CHODL: variants seen among roughly 807,000 people sequenced by gnomAD.
The protein encoded by CHODL is chondrolectin.
In CHODL, 29 loss-of-function variants were observed where a neutral mutation model predicts 34.5. That is an observed-to-expected ratio of 0.84 (90% CI 0.63 to 1.15). The LOEUF is 1.15. CHODL is among the 50% of genes most tolerant of loss of function. The pLI is 0.00. For synonymous variants in CHODL, 125 were observed against 116.1 expected, an observed-to-expected ratio of 1.08 and a Z score of -0.49; for missense variants, 332 against 332.5, an observed-to-expected ratio of 1.00 and a Z score of 0.01.
At chr21:17,987,175 C>A (rs920179278) in intron 1 of CHODL, among the ~76,000 whole-genome samples, 1 of 152,072 alleles carries the variant, frequency 6.6e-6, no homozygotes, top group African/African-American at 2.4e-5. Context: ...ATTAATTTTT[C>A]TTCCCACTAG....
At chr21:18,017,305 A>T (rs2064084721) in intron 1 of CHODL, among the ~76,000 whole-genome samples, 1 of 152,166 alleles carries the variant, frequency 6.6e-6, no homozygotes, top group Admixed American at 6.5e-5. Context: ...TAAGTTGATC[A>T]TGGGGGTGGA....
chr21:18,220,754 T>C (rs73316272), intron 2 of CHODL, among the ~76,000 whole-genome samples: 12,129 of 152,006 alleles, frequency 0.08, 657 homozygotes, highest in African/African-American at 0.15. Context: ...TGCTGAGATA[T>C]CTGTGATTAG....
chr21:17,961,214 A>G (rs2063529816), intron 1 of CHODL, among the ~76,000 whole-genome samples: 1 of 152,214 alleles, frequency 6.6e-6, no homozygotes, highest in Admixed American at 6.5e-5. Flanking sequence ...GTGTTATTGT[A>G]GCATGTTCTC....
At chr21:18,078,739 T>C (rs532252007) in intron 2 of CHODL, among the ~76,000 whole-genome samples, 1 of 152,260 alleles carries the variant, frequency 6.6e-6, no homozygotes, top group East Asian at 1.9e-4. Context: ...CTTAGTGGTG[T>C]TTTGTTGTCA....
At chr21:18,183,491 A>T (rs1229729110) in intron 2 of CHODL, among the ~76,000 whole-genome samples, 4 of 152,236 alleles carry the variant, frequency 2.6e-5, no homozygotes, top group Admixed American at 6.5e-5. Flanking sequence ...GCTGAATCTC[A>T]AAGCTGCCTT....
In CHODL at chr21:18,208,255, T is replaced by C. The variant is rs144494384; in HGVS notation, c.-44-48254T>C. Reference sequence around the variant, plus strand: ...CCAATTCTTTCTTCTGCTTGATCAATTCTATTAAGACTCTGAAACATTCTT... The same window carrying C: ...CCAATTCTTTCTTCTGCTTGATCAACTCTATTAAGACTCTGAAACATTCTT... On this transcript the variant is annotated intron_variant, in intron 2 of 6. Coordinates refer to the CHODL transcript ENST00000400127. Among the ~76,000 whole-genome samples, 419 of 151,842 alleles carry C rather than the reference T, an allele frequency of 2.8e-3. 1 individual carries two copies. The highest frequency in any genetic ancestry group is 9.9e-3 in the African/African-American group (410 of 41,388).
At chr21:18,016,804 G>C (rs1288424686) in intron 1 of CHODL, among the ~76,000 whole-genome samples, 1 of 152,250 alleles carries the variant, frequency 6.6e-6, no homozygotes, top group African/African-American at 2.4e-5. Flanking sequence ...CACAGAGGCA[G>C]AGCTGCCCAA....
intron 2 of CHODL, among the ~76,000 whole-genome samples, chr21:18,048,557 A>C (rs1388867306): frequency 1.3e-5 from 2 of 151,776 alleles, no homozygotes; most frequent in East Asian, 1.9e-4. Context: ...GCAGCAAAAG[A>C]AAGAAAGAAA....
At chr21:18,162,751 TATTAC>T (rs754557086) in intron 2 of CHODL, among the ~76,000 whole-genome samples, 10 of 152,220 alleles carry the variant, frequency 6.6e-5, no homozygotes, top group Non-Finnish European at 1.5e-4. Context: ...TTTGATTTGC[TATTAC>T]ATTAATGCAA....
chr21:18,141,555 T>G (rs1369713456), intron 2 of CHODL, among the ~76,000 whole-genome samples: 1 of 151,778 alleles, frequency 6.6e-6, no homozygotes, highest in Non-Finnish European at 1.5e-5. Flanking sequence ...ATGATGAAAT[T>G]TTGCTGGAAA....
At chr21:18,021,057 T>TGTCA (rs1301951664) in intron 1 of CHODL, among the ~76,000 whole-genome samples, 1 of 152,222 alleles carries the variant, frequency 6.6e-6, no homozygotes, top group Non-Finnish European at 1.5e-5. Flanking sequence ...TTCTCCACTA[T>TGTCA]AGACCCCTAG....
intron 2 of CHODL, among the ~76,000 whole-genome samples, chr21:18,158,790 G>T (rs2073062629): frequency 6.7e-6 from 1 of 148,632 alleles, no homozygotes; most frequent in Non-Finnish European, 1.5e-5. Flanking sequence ...GTGAGCCGAG[G>T]TGCTGCCATT....
intron 2 of CHODL, among the ~76,000 whole-genome samples, chr21:18,033,538 TG>T: frequency 6.6e-6 from 1 of 152,178 alleles, no homozygotes; most frequent in Middle Eastern, 3.4e-3. Context: ...AAGATACCAC[TG>T]GGTGACAGTC....
intron 2 of CHODL, among the ~76,000 whole-genome samples, chr21:18,041,397 A>G (rs916420148): frequency 6.6e-6 from 1 of 151,966 alleles, no homozygotes; most frequent in South Asian, 2.1e-4. Flanking sequence ...CATTAAAATT[A>G]AAAATGACTT....
intron 2 of CHODL, among the ~76,000 whole-genome samples, chr21:18,152,341 A>G (rs2072980374): frequency 6.6e-6 from 1 of 152,210 alleles, no homozygotes. Flanking sequence ...CACAAACTTC[A>G]TGGTTTAAAA....
At chr21:18,208,612 T>C (rs1301241696) in intron 2 of CHODL, among the ~76,000 whole-genome samples, 1 of 152,136 alleles carries the variant, frequency 6.6e-6, no homozygotes, top group African/African-American at 2.4e-5. Flanking sequence ...ACTCTGGGCT[T>C]GTGTGTATCC....
At chr21:18,098,629 A>G (rs985762871) in intron 2 of CHODL, among the ~76,000 whole-genome samples, 2 of 152,146 alleles carry the variant, frequency 1.3e-5, no homozygotes, top group Non-Finnish European at 1.5e-5. Context: ...GTTGGTGGCA[A>G]TGTAAATTAT....
chr21:17,925,674 G>T lies in CHODL; in HGVS notation c.-145+8274G>T, dbSNP rs565288896. On this transcript the variant is annotated intron_variant, in intron 1 of 6. Transcript: ENST00000400127. The stretch of plus-strand genomic sequence containing the variant: ...ATTTTAAATTCGCCTGCGAGTAAAA[G>T]GATAAATTTATTTATAATAGATTTG... 1.6e-4 allele frequency among the ~76,000 whole-genome samples: 24 copies of T among 152,212 alleles called. 2 individuals carry two copies. The highest frequency in any genetic ancestry group is 5.8e-4 in the African/African-American group (24 of 41,532).
chr21:18,145,435 C>T (rs1271350900), intron 2 of CHODL, among the ~76,000 whole-genome samples: 1 of 60,894 alleles, frequency 1.6e-5, no homozygotes, highest in Non-Finnish European at 3.3e-5. Flanking sequence ...GACTACCTTT[C>T]AAAAAAAAAA....
Sources: gnomAD v4.1 joint callset for allele counts (sites outside exome capture counted in the v4.1 genomes callset) on GRCh38, gnomAD v4.1.1 for gene constraint, MANE v1.5 for transcripts, NCBI Gene and HGNC (gene_info 2026-07-23, HGNC 2026-07-21) for gene names.